LRP1B: variants seen among roughly 807,000 people sequenced by gnomAD.
LRP1B encodes LDL receptor related protein 1B.
A neutral mutation model predicts 556.6 loss-of-function variants in LRP1B; 217 were observed. That is an observed-to-expected ratio of 0.39 (90% CI 0.35 to 0.44). The LOEUF (loss-of-function observed/expected upper bound fraction) is 0.44. Ranked by LOEUF, LRP1B falls within the 20% of genes least tolerant of loss-of-function variation. LRP1B has a pLI of 1.00. For missense variants in LRP1B, 5,053 were observed against 5,620.8 expected (o/e 0.90, Z 3.23); for synonymous variants, 2,047 against 1,865.8 (o/e 1.10, Z -2.50).
At chr2:141,409,048 T>A (rs368654813) in intron 3 of LRP1B, among the ~76,000 whole-genome samples, 23 of 152,300 alleles carry the variant, frequency 1.5e-4, no homozygotes, top group African/African-American at 4.8e-4. Context: ...AGACTTTCAT[T>A]TGCTAGGCTT....
chr2:140,914,229 C>A (rs1694508728), intron 21 of LRP1B, among the ~76,000 whole-genome samples: 1 of 151,794 alleles, frequency 6.6e-6, no homozygotes, highest in Non-Finnish European at 1.5e-5. Context: ...GTTGGCCACA[C>A]AAGGATCTGA....
chr2:141,357,942 A>G (rs1048812653), intron 3 of LRP1B, among the ~76,000 whole-genome samples: 2 of 152,206 alleles, frequency 1.3e-5, no homozygotes, highest in African/African-American at 4.8e-5. Context: ...ATTCTTTGCT[A>G]ATTACAAAAT....
At chr2:141,892,183 A>G (rs1699312171) in intron 1 of LRP1B, among the ~76,000 whole-genome samples, 1 of 152,052 alleles carries the variant, frequency 6.6e-6, no homozygotes. Flanking sequence ...TGAGGGATCA[A>G]ATACAAAACA....
chr2:140,244,420 A>C (rs944052087), intron 87 of LRP1B, among the ~76,000 whole-genome samples: 1 of 151,332 alleles, frequency 6.6e-6, no homozygotes, highest in Admixed American at 6.6e-5. Flanking sequence ...TCATAATTTC[A>C]GCGGATACAA....
intron 35 of LRP1B, among the ~76,000 whole-genome samples, chr2:140,722,054 G>A (rs575729445): frequency 2.6e-5 from 4 of 152,034 alleles, no homozygotes; most frequent in Non-Finnish European, 4.4e-5. Flanking sequence ...GTGGGCAGCC[G>A]CTATTTTGAC....
In LRP1B at chr2:141,737,852, C is replaced by T. The variant is rs1235143134; in HGVS notation, c.205+72427G>A. Among the ~76,000 whole-genome samples the T allele has an allele frequency of 2.0e-5, 3 of 152,098 alleles. No homozygotes were observed. In the East Asian group the frequency reaches 5.8e-4, roughly 29 times the overall value. The stretch of plus-strand genomic sequence containing the variant: ...ACTAAGACTTCTTAGTAGGGAACAC[C>T]TATCTTAAAATCTCATTTCTTTTTA... On this transcript the variant is annotated intron_variant, in intron 2 of 90. Coordinates refer to ENST00000389484, the MANE Select transcript of LRP1B (RefSeq NM_018557.3).
chr2:140,474,537 T>C (rs1558907134), intron 60 of LRP1B, among the ~76,000 whole-genome samples: 1 of 151,928 alleles, frequency 6.6e-6, no homozygotes, highest in Non-Finnish European at 1.5e-5. Context: ...CAGGAAAAAA[T>C]CTAATTCTTA....
intron 3 of LRP1B, among the ~76,000 whole-genome samples, chr2:141,365,713 C>A (rs75885150): frequency 0.19 from 27,090 of 139,468 alleles, 3,367 homozygotes; most frequent in East Asian, 0.47. Flanking sequence ...AGTGCAGTGG[C>A]CCAGGCTGGA....
chr2:141,399,511 TTAAAC>T (rs941914947), intron 3 of LRP1B, among the ~76,000 whole-genome samples: 2 of 152,184 alleles, frequency 1.3e-5, no homozygotes, highest in African/African-American at 4.8e-5. Context: ...CTGCAGATCT[TTAAAC>T]TAAAGTTTTC....
At chr2:141,715,605 A>G (rs532613163) in intron 2 of LRP1B, among the ~76,000 whole-genome samples, 1 of 152,228 alleles carries the variant, frequency 6.6e-6, no homozygotes, top group African/African-American at 2.4e-5. Flanking sequence ...ACCTGAGGCC[A>G]GGAGTTTGAG....
chr2:141,278,679 T>C (rs937667132), intron 3 of LRP1B, among the ~76,000 whole-genome samples: 1 of 152,100 alleles, frequency 6.6e-6, no homozygotes, highest in Non-Finnish European at 1.5e-5. Flanking sequence ...AAGGGACCCA[T>C]GAGGCCTGCT....
intron 2 of LRP1B, among the ~76,000 whole-genome samples, chr2:141,482,505 T>C (rs1444131173): frequency 2.0e-5 from 3 of 152,014 alleles, no homozygotes; most frequent in Admixed American, 6.6e-5. Context: ...TCCATATATA[T>C]ATGTGTGTGT....
At chr2:141,083,886 T>C (rs535446302) in intron 7 of LRP1B, among the ~76,000 whole-genome samples, 1 of 152,342 alleles carries the variant, frequency 6.6e-6, no homozygotes, top group East Asian at 1.9e-4. Context: ...GAAATACATT[T>C]TGTTTCTTTA....
At chr2:140,542,042 C>A (rs897407153) in intron 43 of LRP1B, 71 bp from the exon 44 acceptor site, 1 of 1,012,460 alleles carries the variant, frequency 9.9e-7, no homozygotes, top group Non-Finnish European at 1.4e-6. Context: ...CCTATTTTTG[C>A]TTCAAAAATA....
At chr2:141,579,994 C>A (rs1222354488) in intron 2 of LRP1B, among the ~76,000 whole-genome samples, 1 of 152,098 alleles carries the variant, frequency 6.6e-6, no homozygotes, top group Non-Finnish European at 1.5e-5. Flanking sequence ...GCCACCGCGC[C>A]CAGCCTGGAT....
chr2:140,601,496 A>C lies in LRP1B; in HGVS notation c.6943T>G (p.Ser2315Ala), dbSNP rs1490781875. ...AGCACATGTGGATGGTCATCTTCTG[A>C]CATGGTGATGACAGCTTCCCTGTCA... is the stretch of plus-strand genomic sequence containing the variant. ...AFDREAVITM[S>A]EDDHPHVLAL... The change falls in exon 42 of 91, where the codon TCA becomes GCA. Residue 2315 changes from serine (S) to alanine (A), a missense_variant. Physicochemically the swap from Ser to Ala is moderately conservative, Grantham distance 99. This residue lies in a region of LRP1B where 3,619 missense variants were observed against 3,931.9 expected (regional missense o/e 0.92). Transcript: ENST00000389484. 3.1e-6 allele frequency: 5 copies of C among 1,612,862 alleles called. No homozygotes were observed. The highest frequency in any genetic ancestry group is 4.2e-6 in the Non-Finnish European group (5 of 1,179,300).
At chr2:141,189,281 G>T (rs908736406) in intron 6 of LRP1B, among the ~76,000 whole-genome samples, 1 of 151,908 alleles carries the variant, frequency 6.6e-6, no homozygotes, top group African/African-American at 2.4e-5. Context: ...AATTAATCAG[G>T]CTCAGAGAGA....
chr2:142,021,304 CTGTG>C (rs1346132849), intron 1 of LRP1B, among the ~76,000 whole-genome samples: 7 of 151,326 alleles, frequency 4.6e-5, no homozygotes, highest in African/African-American at 7.3e-5. Context: ...AAATCTTCCT[CTGTG>C]TGTGTATGTG....
chr2:140,605,406 A>T (rs1682831025), intron 41 of LRP1B, among the ~76,000 whole-genome samples: 1 of 152,154 alleles, frequency 6.6e-6, no homozygotes, highest in Non-Finnish European at 1.5e-5. Context: ...ACTCTTTACA[A>T]ATAGTACACA....
Sources: allele counts gnomAD v4.1 joint callset (sites outside exome capture counted in the v4.1 genomes callset), GRCh38; gene constraint gnomAD v4.1.1; regional missense constraint gnomAD v4.1.1; transcripts MANE v1.5; gene names NCBI Gene and HGNC (gene_info 2026-07-23, HGNC 2026-07-21).